Variants in TNRC18 observed in about 807,000 individuals in gnomAD.
The protein encoded by TNRC18 is trinucleotide repeat-containing gene 18 protein.
Under a neutral mutation model 226.7 loss-of-function variants are expected in TNRC18, and 69 were observed. The ratio of observed to expected loss-of-function variants is 0.30; its 90% CI spans 0.25 to 0.37. The LOEUF is 0.37. Ranked by LOEUF, TNRC18 falls within the 10% of genes least tolerant of loss-of-function variation. The pLI is 1.00. For synonymous variants in TNRC18, 2,449 were observed against 1,927.6 expected (o/e 1.27, Z -7.09); for missense variants, 4,754 against 4,256.6 (o/e 1.12, Z -3.25).
chr7:5,370,941 T>G lies in TNRC18; in HGVS notation c.3653A>C (p.Glu1218Ala). The change falls in exon 11 of 30, where the codon GAG (glutamate) becomes GCG (alanine). Residue 1218 changes from glutamate (E) to alanine (A), a missense_variant. By Grantham distance (107) the Glu-to-Ala change is moderately radical. Coordinates refer to ENST00000430969, the MANE Select transcript of TNRC18 (RefSeq NM_001080495.3). ...AGGCCCCTCCACAAAGTCTGGACAC[T>G]CAGAGGGCTCTGCGCAGCTCTGCCC... ...ATGQSCAEPS[E>A]CPDFVEGPEP... 6.2e-7 allele frequency: 1 copy of G among 1,605,202 alleles called. No homozygotes were observed. Among genetic ancestry groups the G allele is most frequent in the Non-Finnish European group, 8.5e-7 (1 of 1,179,718 alleles).
At chr7:5,420,923 G>A in intron 2 of TNRC18, 137 bp downstream of exon 2, 1 of 1,091,106 alleles carries the variant, frequency 9.2e-7, no homozygotes, top group African/African-American at 1.6e-5. Flanking sequence ...CCCAGCCCTG[G>A]GAGCCGAGTC....
chr7:5,345,517 G>GGGGGGGGGC, intron 18 of TNRC18, 45 bp downstream of exon 18: 16 of 377,736 alleles, frequency 4.2e-5, no homozygotes, highest in Non-Finnish European at 6.8e-5. Flanking sequence ...AATGGCGTCC[G>GGGGGGGGGC]CCCCTCCCAC....
At chr7:5,407,714 T>A (rs528674082) in intron 2 of TNRC18, among the ~76,000 whole-genome samples, 1 of 152,208 alleles carries the variant, frequency 6.6e-6, no homozygotes, top group Non-Finnish European at 1.5e-5. Flanking sequence ...GCCAATGATA[T>A]GCAAATACGT....
Position 5,362,973 on chromosome 7 carries a change from C to A in TNRC18, c.4220-148G>T, listed in dbSNP as rs2128163021. On this transcript the variant is annotated intron_variant, in intron 11 of 29. Coordinates refer to ENST00000430969, the MANE Select transcript of TNRC18 (RefSeq NM_001080495.3). ...AGTAGACAGAGGCCTTTGTGACATGCCGGAAGTCCTGAGCATCTCTAAACA... is the reference window on the plus strand; with the variant it reads ...AGTAGACAGAGGCCTTTGTGACATGACGGAAGTCCTGAGCATCTCTAAACA... 5.1e-6 allele frequency: 4 copies of A among 779,900 alleles called. No homozygotes were observed. The East Asian group carries it at 8.9e-5, about 17-fold the overall frequency. 48.3% of individuals were successfully genotyped at this position (779,900 alleles called of 1,614,324 possible).
At chr7:5,337,828 C>T (rs377245640) in intron 18 of TNRC18, among the ~76,000 whole-genome samples, 2 of 152,024 alleles carry the variant, frequency 1.3e-5, no homozygotes, top group South Asian at 2.1e-4. Flanking sequence ...ACTAAAAATA[C>T]AAAAATTAGC....
chr7:5,410,301 ACT>A (rs1781756375), intron 2 of TNRC18, among the ~76,000 whole-genome samples: 1 of 139,346 alleles, frequency 7.2e-6, no homozygotes, highest in Non-Finnish European at 1.5e-5. Context: ...ACAGAGCAAG[ACT>A]CTGTCTCAAA....
At position 5,384,379 on chromosome 7, in the gene TNRC18, G is replaced by C. The variant is rs576195337; in HGVS notation, c.2152+3293C>G. On this transcript the variant is annotated intron_variant, in intron 5 of 29. Transcript: ENST00000430969. ...GCCTTCCGAAGTGCTGGGATTACAG[G>C]CCTGAGCCACCATACCCAGCCCCCA... is the stretch of plus-strand genomic sequence containing the variant. 2.4e-4 allele frequency among the ~76,000 whole-genome samples: 36 copies of C among 152,294 alleles called. 1 individual carries two copies. Among genetic ancestry groups the C allele is most frequent in the African/African-American group, 8.7e-4 (36 of 41,572 alleles).
chr7:5,306,829 A>AAAAAAAG lies in TNRC18; in HGVS notation c.*1276_*1277insCTTTTTT, dbSNP rs1786553766. 1 of 151,550 alleles carries AAAAAAAG rather than the reference A, an allele frequency of 6.6e-6. No individual in the cohort carries two copies. The highest frequency in any genetic ancestry group is 2.4e-5 in the African/African-American group (1 of 41,260). The allele number at this position is 151,550 out of a possible 1,614,324, so 9.4% of individuals were successfully genotyped here. On this transcript the variant is annotated 3_prime_UTR_variant, in exon 30 of 30. Coordinates refer to ENST00000430969, the MANE Select transcript of TNRC18 (RefSeq NM_001080495.3). ...TTAAATCTTTTCTTTTTTTTTATGA[A>AAAAAAAG]AAAAGATCACACAGAATTTGCCAAC... is the stretch of plus-strand genomic sequence containing the variant.
intron 18 of TNRC18, among the ~76,000 whole-genome samples, chr7:5,345,352 G>A (rs190919691): frequency 2.3e-4 from 35 of 152,302 alleles, no homozygotes; most frequent in Non-Finnish European, 5.0e-4. Context: ...CCCTTTGCAA[G>A]GCGAAGAATC....
At position 5,320,441 on chromosome 7, in the gene TNRC18, G is replaced by T. The variant is rs1440433899; in HGVS notation, c.6637-15C>A. On this transcript the variant is annotated splice_polypyrimidine_tract_variant and intron_variant, in intron 23 of 29. Coordinates refer to ENST00000430969, the MANE Select transcript of TNRC18 (RefSeq NM_001080495.3). ...ACATCGATGATCTAGAAGGGCATGG[G>T]ATGAGTGCAAGGTGTGGACACAGTT... is the stretch of plus-strand genomic sequence containing the variant. 1.3e-6 allele frequency: 2 copies of T among 1,562,404 alleles called. No individual in the cohort carries two copies. Among genetic ancestry groups the T allele is most frequent in the Non-Finnish European group, 1.7e-6 (2 of 1,153,334 alleles).
At position 5,324,940 on chromosome 7, in the gene TNRC18, T is replaced by G. The variant is rs1214269968; in HGVS notation, c.6300+156A>C. Among the ~76,000 whole-genome samples the G allele has an allele frequency of 6.6e-6, 1 of 151,802 alleles. No homozygotes were observed. The highest frequency in any genetic ancestry group is 2.4e-5 in the African/African-American group (1 of 41,288). On this transcript the variant is annotated intron_variant, in intron 20 of 29. Transcript: ENST00000430969. The surrounding 1 kb of genome is among the most constrained non-coding windows in gnomAD (Gnocchi z 4.8). ...CCCCAGTATCTCCTTATCCCTGGAG[T>G]GTGGGGACGGCCACATCACCCTCGT...
At chr7:5,351,751 T>TCTCG in intron 17 of TNRC18, 68 bp downstream of exon 17, 2 of 1,471,148 alleles carry the variant, frequency 1.4e-6, no homozygotes, top group Non-Finnish European at 9.0e-7. Flanking sequence ...CTCGCTTCCC[T>TCTCG]CTCGCTCACT....
intron 8 of TNRC18, 128 bp downstream of exon 8, chr7:5,376,719 C>T: frequency 8.7e-7 from 1 of 1,149,932 alleles, no homozygotes; most frequent in East Asian, 2.6e-5. Context: ...CTCTCTGAAC[C>T]CCGGTCCGCC....
chr7:5,314,563 CTTTTTTTT>C (rs67183154), intron 26 of TNRC18, among the ~76,000 whole-genome samples: 19 of 79,640 alleles, frequency 2.4e-4, no homozygotes, highest in African/African-American at 7.0e-4. Flanking sequence ...GAGTTCTCTT[CTTTTTTTT>C]TTTTTTTTTT....
chr7:5,348,198 G>A (rs1198268002), intron 17 of TNRC18, among the ~76,000 whole-genome samples: 1 of 152,182 alleles, frequency 6.6e-6, no homozygotes, highest in Non-Finnish European at 1.5e-5. Flanking sequence ...TGCTTCCAAG[G>A]ACGGGCAGGT....
chr7:5,353,033 C>A (rs531473236), intron 16 of TNRC18, among the ~76,000 whole-genome samples: 42 of 150,856 alleles, frequency 2.8e-4, no homozygotes, highest in African/African-American at 1.0e-3. Flanking sequence ...CCCACCAACA[C>A]CTAAGCTTTC....
In TNRC18 at chr7:5,332,876, C is replaced by T. The variant is rs1249862890; in HGVS notation, c.5893G>A (p.Val1965Met). 2.0e-6 allele frequency: 3 copies of T among 1,517,366 alleles called. No individual in the cohort carries two copies. Among genetic ancestry groups the T allele is most frequent in the Non-Finnish European group, 2.6e-6 (3 of 1,141,480 alleles). 94.0% of individuals were successfully genotyped at this position (1,517,366 alleles called of 1,614,324 possible). The change falls in exon 19 of 30, where the codon GTG becomes ATG. Residue 1965 changes from valine (V) to methionine (M), a missense_variant. Val to Met is a conservative substitution (Grantham distance 21, BLOSUM62 1). Coordinates refer to ENST00000430969, the MANE Select transcript of TNRC18 (RefSeq NM_001080495.3). ...TTCCGGGCCTTGCGCCCCTTCTCCA[C>T]CGCCAGCTTGGCCTTGTCTGGGCTG... ...PSSPDKAKLA[V>M]EKGRKARKLR... is the part of the protein sequence containing the mutation.
At chr7:5,357,328 T>TG in intron 15 of TNRC18, 52 bp from the exon 16 acceptor site, 3 of 1,529,634 alleles carry the variant, frequency 2.0e-6, no homozygotes, top group Non-Finnish European at 8.8e-7. Context: ...AACAGTATAG[T>TG]GGGTTTCAGT....
At chr7:5,334,680 C>T (rs1218640554) in intron 18 of TNRC18, among the ~76,000 whole-genome samples, 5 of 152,112 alleles carry the variant, frequency 3.3e-5, no homozygotes, top group African/African-American at 7.2e-5. Flanking sequence ...CAGGCATGAG[C>T]GCTCTGCTCT....
Sources: gnomAD v4.1 joint callset for allele counts (sites outside exome capture counted in the v4.1 genomes callset) on GRCh38, gnomAD v4.1.1 for gene constraint, Gnocchi (gnomAD v3.1) non-coding constraint, MANE v1.5 for transcripts, NCBI Gene and HGNC (gene_info 2026-07-23, HGNC 2026-07-21) for gene names.